THSD4: variants seen among roughly 807,000 people sequenced by gnomAD.
THSD4 encodes the protein thrombospondin type-1 domain-containing protein 4.
THSD4 carries 69 observed loss-of-function variants against 119.0 expected under a neutral mutation model. That is an observed-to-expected ratio of 0.58 (90% CI 0.48 to 0.71). The LOEUF is 0.71. Among genes scored for constraint, THSD4 ranks in the 30% least tolerant of loss-of-function variants. The pLI is 0.00. For missense variants in THSD4, 1,393 were observed against 1,391.1 expected (o/e 1.00, Z -0.02); for synonymous variants, 524 against 540.4 (o/e 0.97, Z 0.42).
In THSD4 at chr15:71,341,274, C is replaced by T. The variant is rs779999304; in HGVS notation, c.1016-70413C>T. ...TGTTCCTTTTCCGTAAGGATCATCT[C>T]AATGTGGCAGGGAGAGCTCATGTAT... On this transcript the variant is annotated intron_variant, in intron 6 of 17. Coordinates refer to ENST00000261862, the MANE Select transcript of THSD4 (RefSeq NM_024817.3). 6 of 1,597,684 alleles carry T rather than the reference C, an allele frequency of 3.8e-6. No homozygotes were observed. In the Admixed American group the frequency reaches 1.0e-4, roughly 27 times the overall value.
intron 7 of THSD4, among the ~76,000 whole-genome samples, chr15:71,498,097 C>G (rs1428565336): frequency 6.6e-6 from 1 of 152,218 alleles, no homozygotes; most frequent in Non-Finnish European, 1.5e-5. Flanking sequence ...AATACTCACT[C>G]GAATTTAATG....
At chr15:71,234,337 C>T (rs1175447180) in intron 4 of THSD4, among the ~76,000 whole-genome samples, 1 of 152,224 alleles carries the variant, frequency 6.6e-6, no homozygotes, top group Non-Finnish European at 1.5e-5. Context: ...TAGTCAAACT[C>T]TCCACTCGCC....
chr15:71,502,268 G>A (rs1478600417), intron 7 of THSD4, among the ~76,000 whole-genome samples: 2 of 152,162 alleles, frequency 1.3e-5, no homozygotes, highest in African/African-American at 4.8e-5. Flanking sequence ...ATAATATAGG[G>A]TCAGCCCAGA....
chr15:71,111,007 T>C, upstream of THSD4: 1 of 864,144 alleles, frequency 1.2e-6, no homozygotes, highest in Non-Finnish European at 1.8e-6. Flanking sequence ...TCTCCTTCTG[T>C]CTGCATGTCC....
chr15:71,180,196 CAG>C (rs1228654897), intron 3 of THSD4, among the ~76,000 whole-genome samples: 26 of 143,894 alleles, frequency 1.8e-4, no homozygotes, highest in Non-Finnish European at 3.8e-4. Context: ...ACACTATCAA[CAG>C]AGTATAAAGG....
intron 3 of THSD4, chr15:71,189,011 CT>C (rs1284281585): frequency 6.6e-6 from 1 of 152,646 alleles, no homozygotes; most frequent in Non-Finnish European, 1.5e-5. Context: ...CCTCTTCCTC[CT>C]TTCTTCCTTC....
intron 14 of THSD4, among the ~76,000 whole-genome samples, chr15:71,753,372 C>T (rs2053484089): frequency 6.6e-6 from 1 of 152,152 alleles, no homozygotes; most frequent in African/African-American, 2.4e-5. Context: ...TTTGGTAACA[C>T]CTAATTTCTA....
intron 7 of THSD4, among the ~76,000 whole-genome samples, chr15:71,652,871 C>T (rs182327623): frequency 7.2e-4 from 109 of 152,332 alleles, no homozygotes; most frequent in African/African-American, 2.6e-3. Flanking sequence ...CATTTCTTCT[C>T]TTCAAATGAA....
intron 7 of THSD4, among the ~76,000 whole-genome samples, chr15:71,436,105 G>A (rs2047009851): frequency 2.0e-5 from 3 of 152,162 alleles, no homozygotes; most frequent in Admixed American, 2.0e-4. Context: ...CCCTCATCCG[G>A]TTTTCATTTC....
At chr15:71,493,782 G>T (rs76022622) in intron 7 of THSD4, among the ~76,000 whole-genome samples, 1 of 152,154 alleles carries the variant, frequency 6.6e-6, no homozygotes, top group Admixed American at 6.5e-5. Context: ...CTTCATACCC[G>T]GTCTGTCAAA....
chr15:71,676,119 T>C (rs1037167724), intron 8 of THSD4, among the ~76,000 whole-genome samples: 10 of 152,254 alleles, frequency 6.6e-5, no homozygotes, highest in Non-Finnish European at 1.0e-4. Flanking sequence ...AGTATCCAGC[T>C]CTTAAAAAGA....
chr15:71,490,464 G>A (rs2047899120), intron 7 of THSD4, among the ~76,000 whole-genome samples: 1 of 151,174 alleles, frequency 6.6e-6, no homozygotes, highest in Admixed American at 6.6e-5. Context: ...GGAGGCTGAG[G>A]CAGGAGAATG....
At chr15:71,704,220 G>A (rs908289753) in intron 8 of THSD4, among the ~76,000 whole-genome samples, 3 of 152,244 alleles carry the variant, frequency 2.0e-5, no homozygotes, top group East Asian at 1.9e-4. Flanking sequence ...CTTAGAGTTA[G>A]CACCCTAACA....
chr15:71,141,639 G>C lies in THSD4; in HGVS notation c.29+83G>C, dbSNP rs758439537. On this transcript the variant is annotated intron_variant, in intron 2 of 17. Coordinates refer to ENST00000261862, the MANE Select transcript of THSD4 (RefSeq NM_024817.3). Reference sequence around the variant, plus strand: ...TTTACTCTGTCATTTCTTAAAGTAAGTGATCTTAAGGGTCTGCAGCTGACT... The same window carrying C: ...TTTACTCTGTCATTTCTTAAAGTAACTGATCTTAAGGGTCTGCAGCTGACT... 4.9e-6 allele frequency: 7 copies of C among 1,439,552 alleles called. No individual in the cohort carries two copies. The Admixed American group carries it at 1.4e-4, about 30-fold the overall frequency. 89.2% of individuals were successfully genotyped at this position (1,439,552 alleles called of 1,614,324 possible). A position where few individuals can be genotyped will look rare whatever the true frequency, so the allele number is the denominator to read the frequency against.
chr15:71,703,270 C>T (rs1392812303), intron 8 of THSD4, among the ~76,000 whole-genome samples: 2 of 152,184 alleles, frequency 1.3e-5, no homozygotes, highest in Non-Finnish European at 2.9e-5. Flanking sequence ...CCACCACACT[C>T]GGCCAGGCTC....
intron 1 of THSD4, among the ~76,000 whole-genome samples, chr15:71,138,861 G>GT (rs952709760): frequency 3.6e-4 from 54 of 148,948 alleles, no homozygotes; most frequent in African/African-American, 1.3e-3. Context: ...GTAATTTCTT[G>GT]GTGTGTGTGT....
At chr15:71,209,946 C>CT (rs1196284052) in intron 3 of THSD4, among the ~76,000 whole-genome samples, 2 of 152,164 alleles carry the variant, frequency 1.3e-5, no homozygotes, top group Non-Finnish European at 2.9e-5. Flanking sequence ...TGAGATGTGC[C>CT]TTTCACCTTC....
rs1265680877 is a variant in THSD4 at position 71,273,890 on chromosome 15, G to A, written c.1015+17175G>A. Reference sequence around the variant, plus strand: ...ATAGCTCAGAGACCCAACAGGAAGTGTGGAGAAGTAGGCTTGGTAAAGGAT... The same window carrying A: ...ATAGCTCAGAGACCCAACAGGAAGTATGGAGAAGTAGGCTTGGTAAAGGAT... On this transcript the variant is annotated intron_variant, in intron 6 of 17. Transcript: ENST00000261862. Among the ~76,000 whole-genome samples the A allele has an allele frequency of 3.3e-5, 5 of 152,242 alleles. No homozygotes were observed. In the East Asian group the frequency reaches 9.6e-4, roughly 29 times the overall value.
At chr15:71,622,465 A>G (rs1192879968) in intron 7 of THSD4, among the ~76,000 whole-genome samples, 1 of 152,202 alleles carries the variant, frequency 6.6e-6, no homozygotes. Context: ...CAGAGGCATC[A>G]GTCTCCCAAA....
Sources: gnomAD v4.1 joint callset for allele counts (sites outside exome capture counted in the v4.1 genomes callset) on GRCh38, gnomAD v4.1.1 for gene constraint, MANE v1.5 for transcripts, NCBI Gene and HGNC (gene_info 2026-07-23, HGNC 2026-07-21) for gene names.